Variants in AQP7B observed in about 807,000 individuals in gnomAD.
AQP7B encodes the protein aquaporin 7B.
chr2:94,598,547 T>C, the AQP7B span, among the ~76,000 whole-genome samples: 2 of 152,176 alleles, frequency 1.3e-5, no homozygotes, highest in African/African-American at 2.4e-5. Context: ...GGTGGGGACT[T>C]TGGCTGGCTG....
chr2:94,602,446 T>A, the AQP7B span: 2 of 1,573,208 alleles, frequency 1.3e-6, no homozygotes, highest in South Asian at 1.1e-5. Context: ...TCCTCTGAGG[T>A]TGGGGCTTCT....
At chr2:94,596,081 G>C in the AQP7B span, among the ~76,000 whole-genome samples, 1,301 of 152,346 alleles carry the variant, frequency 8.5e-3, 8 homozygotes, top group Admixed American at 0.016. Context: ...GCATGACAGA[G>C]GGGGGCAGTG....
the AQP7B span, chr2:94,602,688 G>A: frequency 6.9e-7 from 1 of 1,443,242 alleles, no homozygotes; most frequent in Non-Finnish European, 9.6e-7. Context: ...GCCCACCTCA[G>A]CCAGCTCCTT....
chr2:94,600,795 C>T, the AQP7B span, among the ~76,000 whole-genome samples: 4 of 151,656 alleles, frequency 2.6e-5, no homozygotes, highest in African/African-American at 9.7e-5. Flanking sequence ...AGGAGAATCA[C>T]TTGAACCCGG....
chr2:94,592,812 CTTTTTTT>C, the AQP7B span, among the ~76,000 whole-genome samples: 10 of 51,750 alleles, frequency 1.9e-4, no homozygotes, highest in East Asian at 7.7e-4. Flanking sequence ...ATTAATTAAG[CTTTTTTT>C]TTTTTTTTTT....
At chr2:94,595,974 G>A in the AQP7B span, among the ~76,000 whole-genome samples, 2 of 152,212 alleles carry the variant, frequency 1.3e-5, no homozygotes, top group Non-Finnish European at 2.9e-5. Flanking sequence ...AAGAGAAAAG[G>A]ATGGTTTGAG....
the AQP7B span, chr2:94,604,581 T>A: frequency 6.4e-7 from 1 of 1,565,032 alleles, no homozygotes; most frequent in Non-Finnish European, 8.7e-7. Flanking sequence ...TAAGCAGAGA[T>A]TATTTGTGAT....
At chr2:94,590,269 G>C in the AQP7B span, among the ~76,000 whole-genome samples, 1 of 152,100 alleles carries the variant, frequency 6.6e-6, no homozygotes, top group Non-Finnish European at 1.5e-5. Context: ...TGCAACTTCT[G>C]CTTCTTGGGC....
chr2:94,588,989 T>G, the AQP7B span, among the ~76,000 whole-genome samples: 2 of 149,296 alleles, frequency 1.3e-5, no homozygotes, highest in African/African-American at 2.4e-5. Context: ...TTTTCTTTTT[T>G]TTTTTTTTTT....
chr2:94,592,676 C>A, the AQP7B span, among the ~76,000 whole-genome samples: 1 of 152,090 alleles, frequency 6.6e-6, no homozygotes, highest in Non-Finnish European at 1.5e-5. Context: ...CCTTTCTCAT[C>A]AGCACAGAGC....
chr2:94,602,659 C>T, the AQP7B span: 1 of 1,545,216 alleles, frequency 6.5e-7, no homozygotes, highest in Non-Finnish European at 8.9e-7. Flanking sequence ...GACCAGGTGT[C>T]CCCAACAGGC....
At chr2:94,599,534 C>G in the AQP7B span, among the ~76,000 whole-genome samples, 2 of 152,084 alleles carry the variant, frequency 1.3e-5, no homozygotes, top group Admixed American at 6.5e-5. Context: ...CCTCTTGTCC[C>G]TCTTGCCACC....
the AQP7B span, among the ~76,000 whole-genome samples, chr2:94,589,579 A>G: frequency 6.6e-6 from 1 of 152,172 alleles, no homozygotes; most frequent in African/African-American, 2.4e-5. Context: ...CTTACTTATT[A>G]CATTTCATTG....
chr2:94,603,838 G>T, the AQP7B span: 1 of 1,462,504 alleles, frequency 6.8e-7, no homozygotes, highest in Non-Finnish European at 9.5e-7. Context: ...GGTGTCCCAT[G>T]GCATAAACAC....
chr2:94,604,603 C>T, the AQP7B span: 4 of 1,528,732 alleles, frequency 2.6e-6, no homozygotes, highest in South Asian at 5.1e-5. Flanking sequence ...CCATCCCTTC[C>T]CCAATAAAGC....
At chr2:94,599,263 G>C in the AQP7B span, among the ~76,000 whole-genome samples, 4 of 151,940 alleles carry the variant, frequency 2.6e-5, no homozygotes, top group African/African-American at 4.8e-5. Context: ...ACCCCCATCT[G>C]TTCCTGTCCT....
At chr2:94,590,141 C>G in the AQP7B span, among the ~76,000 whole-genome samples, 1 of 152,144 alleles carries the variant, frequency 6.6e-6, no homozygotes, top group African/African-American at 2.4e-5. Flanking sequence ...TGGGTTTTGA[C>G]TTTGTATCCC....
the AQP7B span, among the ~76,000 whole-genome samples, chr2:94,589,407 T>A: frequency 2.6e-5 from 4 of 151,900 alleles, no homozygotes; most frequent in Admixed American, 6.6e-5. Context: ...TACAGCCCAC[T>A]CTCATCTTCA....
At chr2:94,593,351 G>A in the AQP7B span, among the ~76,000 whole-genome samples, 1 of 152,176 alleles carries the variant, frequency 6.6e-6, no homozygotes, top group East Asian at 1.9e-4. Context: ...AGCTAAGGCA[G>A]TACGTGATGT....
Sources: gnomAD v4.1 joint callset for allele counts (sites outside exome capture counted in the v4.1 genomes callset) on GRCh38, gnomAD v4.1.1 for gene constraint, MANE v1.5 for transcripts, NCBI Gene and HGNC (gene_info 2026-07-23, HGNC 2026-07-21) for gene names.